SORCS3: variants seen among roughly 807,000 people sequenced by gnomAD.
SORCS3 encodes sortilin related VPS10 domain containing receptor 3, also known as VPS10 domain-containing receptor SorCS3.
SORCS3 carries 57 observed loss-of-function variants against 146.3 expected under a neutral mutation model. The observed-to-expected ratio is 0.39, with a 90% confidence interval of 0.31 to 0.49. The LOEUF (loss-of-function observed/expected upper bound fraction) is 0.49. Among genes scored for constraint, SORCS3 ranks in the 20% least tolerant of loss-of-function variants. The pLI is 0.92. For missense variants in SORCS3, 1,341 were observed against 1,575.5 expected, an observed-to-expected ratio of 0.85 and a Z score of 2.52; for synonymous variants, 653 against 618.5, an observed-to-expected ratio of 1.06 and a Z score of -0.83.
intron 1 of SORCS3, among the ~76,000 whole-genome samples, chr10:104,741,719 T>G (rs1209945154): frequency 2.9e-5 from 4 of 139,694 alleles, no homozygotes; most frequent in Non-Finnish European, 6.2e-5. Context: ...TTTTTTTTTT[T>G]TTTTTTTTTT....
intron 3 of SORCS3, among the ~76,000 whole-genome samples, chr10:104,946,004 G>T (rs1564719429): frequency 3.3e-5 from 5 of 151,948 alleles, no homozygotes; most frequent in Admixed American, 2.6e-4. Flanking sequence ...TCTTATTAAT[G>T]GTGTTATTTT....
At chr10:104,721,292 T>C (rs1312579890) in intron 1 of SORCS3, among the ~76,000 whole-genome samples, 5 of 152,200 alleles carry the variant, frequency 3.3e-5, no homozygotes, top group Non-Finnish European at 5.9e-5. Context: ...GTTGTAGATA[T>C]GCAGCATTAT....
intron 23 of SORCS3, among the ~76,000 whole-genome samples, chr10:105,254,326 A>G (rs187334010): frequency 1.3e-5 from 2 of 152,286 alleles, no homozygotes; most frequent in Admixed American, 1.3e-4. Context: ...ATTGGAACCC[A>G]TAACAGGTCT....
intron 2 of SORCS3, among the ~76,000 whole-genome samples, chr10:104,904,808 G>A (rs2018887817): frequency 1.3e-5 from 2 of 150,662 alleles, no homozygotes; most frequent in African/African-American, 2.4e-5. Flanking sequence ...TTAATTTAAG[G>A]GTATTTCTAC....
chr10:104,868,880 G>T (rs755937829), intron 2 of SORCS3, among the ~76,000 whole-genome samples: 1 of 152,146 alleles, frequency 6.6e-6, no homozygotes, highest in Non-Finnish European at 1.5e-5. Context: ...CTTTGTGTAA[G>T]TTGTTGATTA....
At chr10:105,193,621 G>A (rs1166621466) in intron 14 of SORCS3, among the ~76,000 whole-genome samples, 1 of 152,136 alleles carries the variant, frequency 6.6e-6, no homozygotes, top group African/African-American at 2.4e-5. Context: ...GGCTATTTCT[G>A]CAACTCATTC....
chr10:105,050,681 A>G (rs1246603539), intron 5 of SORCS3, among the ~76,000 whole-genome samples: 1 of 152,136 alleles, frequency 6.6e-6, no homozygotes, highest in Non-Finnish European at 1.5e-5. Context: ...AGAAACAGTG[A>G]GACAATACGT....
intron 3 of SORCS3, among the ~76,000 whole-genome samples, chr10:104,976,642 C>G (rs2054899074): frequency 6.6e-6 from 1 of 152,112 alleles, no homozygotes; most frequent in Non-Finnish European, 1.5e-5. Context: ...TTCACAATAG[C>G]AAAGACTTGG....
intron 25 of SORCS3, among the ~76,000 whole-genome samples, chr10:105,260,154 A>G (rs1322491988): frequency 6.6e-6 from 1 of 152,244 alleles, no homozygotes; most frequent in Non-Finnish European, 1.5e-5. Context: ...ATTGAAATAA[A>G]GCGAATAATC....
chr10:104,904,574 C>T (rs2018884292), intron 2 of SORCS3, among the ~76,000 whole-genome samples: 1 of 151,970 alleles, frequency 6.6e-6, no homozygotes, highest in African/African-American at 2.4e-5. Context: ...TGCATTCATA[C>T]ACTGGAATGT....
chr10:104,678,407 T>G (rs532153905), intron 1 of SORCS3, among the ~76,000 whole-genome samples: 2 of 152,292 alleles, frequency 1.3e-5, no homozygotes, highest in South Asian at 2.1e-4. Flanking sequence ...TGACTATTAT[T>G]GATGAAACAG....
intron 1 of SORCS3, among the ~76,000 whole-genome samples, chr10:104,806,416 G>T (rs2017680270): frequency 1.3e-5 from 2 of 152,200 alleles, no homozygotes; most frequent in South Asian, 2.1e-4. Context: ...CAGTTGGGGT[G>T]ACATGAGAGT....
intron 1 of SORCS3, among the ~76,000 whole-genome samples, chr10:104,798,852 A>T (rs2017590117): frequency 6.6e-6 from 1 of 151,722 alleles, no homozygotes; most frequent in African/African-American, 2.4e-5. Flanking sequence ...CAAATTTACA[A>T]GAAAAAAACA....
At chr10:104,835,487 CTAAAG>C (rs1487177700) in intron 1 of SORCS3, among the ~76,000 whole-genome samples, 1 of 152,190 alleles carries the variant, frequency 6.6e-6, no homozygotes, top group East Asian at 1.9e-4. Flanking sequence ...GTTTAATGAA[CTAAAG>C]TAATTTTCCT....
intron 14 of SORCS3, among the ~76,000 whole-genome samples, chr10:105,197,584 C>A (rs2056550902): frequency 1.3e-5 from 2 of 152,158 alleles, no homozygotes. Flanking sequence ...TCTGTTAATG[C>A]ATTTCAAGAT....
chr10:104,915,403 G>A (rs1012392215), intron 2 of SORCS3, among the ~76,000 whole-genome samples: 18 of 151,858 alleles, frequency 1.2e-4, no homozygotes, highest in Admixed American at 1.1e-3. Flanking sequence ...TTGTACCCTG[G>A]TGATGACCTC....
At chr10:105,057,519 T>C (rs921827267) in intron 5 of SORCS3, among the ~76,000 whole-genome samples, 41 of 152,194 alleles carry the variant, frequency 2.7e-4, no homozygotes, top group Admixed American at 4.6e-4. Flanking sequence ...TTTAGGAGGA[T>C]GCCACCTGGT....
At chr10:105,118,895 G>T (rs748004699) in intron 7 of SORCS3, among the ~76,000 whole-genome samples, 1 of 152,174 alleles carries the variant, frequency 6.6e-6, no homozygotes, top group Non-Finnish European at 1.5e-5. Flanking sequence ...GCAGTCTGAT[G>T]ATGTGAGAGA....
intron 1 of SORCS3, among the ~76,000 whole-genome samples, chr10:104,771,224 C>T (rs769393950): frequency 2.0e-5 from 3 of 152,198 alleles, no homozygotes; most frequent in Non-Finnish European, 2.9e-5. Flanking sequence ...TCAGAATTTG[C>T]GTTTAGCACT....
Sources: allele counts gnomAD v4.1 joint callset (sites outside exome capture counted in the v4.1 genomes callset), GRCh38; gene constraint gnomAD v4.1.1; transcripts MANE v1.5; gene names NCBI Gene and HGNC (gene_info 2026-07-23, HGNC 2026-07-21).